The following ZMYM2 variants were observed in gnomAD, a reference collection of about 807,000 sequenced individuals.
The protein encoded by ZMYM2 is zinc finger MYM-type protein 2.
In ZMYM2, 56 loss-of-function variants were observed where a neutral mutation model predicts 162.8. The observed-to-expected ratio is 0.34, with a 90% CI of 0.28 to 0.43. The LOEUF is 0.43. Among genes scored for constraint, ZMYM2 ranks in the 20% least tolerant of loss-of-function variants. The probability of loss-of-function intolerance (pLI) is 1.00; values close to 1 mark genes in which losing one functional copy is unlikely to be tolerated. For synonymous variants in ZMYM2, 510 were observed against 541.6 expected (o/e 0.94, Z 0.81); for missense variants, 1,275 against 1,621.8 (o/e 0.79, Z 3.67).
chr13:19,897,178 A>C, the ZMYM2 span, among the ~76,000 whole-genome samples: 5 of 152,188 alleles, frequency 3.3e-5, no homozygotes, highest in Non-Finnish European at 7.3e-5. Context: ...AAATCAACTA[A>C]ACACAGAAGT....
the ZMYM2 span, among the ~76,000 whole-genome samples, chr13:19,885,934 CACATATATATGTATAT>C: frequency 2.4e-5 from 2 of 82,318 alleles, 1 homozygote; most frequent in Non-Finnish European, 4.6e-5. Context: ...TATGTGTATA[CACATATATATGTATAT>C]ACACATATAT....
chr13:19,960,439 T>C (rs1454115556), intron 2 of ZMYM2, among the ~76,000 whole-genome samples: 9 of 152,232 alleles, frequency 5.9e-5, no homozygotes, highest in African/African-American at 2.2e-4. Flanking sequence ...ATTGAAGGAA[T>C]TGGAAACATA....
chr13:19,954,147 T>TTTTTTTTTTTTTTTTTTTG (rs1954472661), upstream of ZMYM2, among the ~76,000 whole-genome samples: 3 of 137,760 alleles, frequency 2.2e-5, no homozygotes, highest in South Asian at 2.4e-4. Context: ...TTTTTTTTTT[T>TTTTTTTTTTTTTTTTTTTG]AGACGGAGTC....
chr13:19,923,411 C>T, the ZMYM2 span, among the ~76,000 whole-genome samples: 2 of 144,902 alleles, frequency 1.4e-5, no homozygotes, highest in Non-Finnish European at 3.0e-5. Context: ...GGTCTCAGTG[C>T]TTTCCAGTGA....
intron 2 of ZMYM2, among the ~76,000 whole-genome samples, chr13:19,989,776 C>T (rs1949459834): frequency 1.3e-5 from 2 of 152,180 alleles, no homozygotes; most frequent in South Asian, 2.1e-4. Flanking sequence ...GCCCATTAAC[C>T]CCCACCTCGC....
At chr13:20,034,465 A>G (rs1953494447) in intron 11 of ZMYM2, 61 bp downstream of exon 11, 1 of 1,378,404 alleles carries the variant, frequency 7.3e-7, no homozygotes, top group Admixed American at 2.8e-5. Context: ...TTTTGCCAAA[A>G]TAATATATCC....
intron 12 of ZMYM2, among the ~76,000 whole-genome samples, 179 bp downstream of exon 12, chr13:20,037,088 T>A (rs577611007): frequency 1.3e-5 from 2 of 152,300 alleles, no homozygotes; most frequent in Admixed American, 1.3e-4. Context: ...GTAGCATTTT[T>A]ATCTCTTTTT....
At chr13:19,949,363 G>A in the ZMYM2 span, among the ~76,000 whole-genome samples, 2 of 152,112 alleles carry the variant, frequency 1.3e-5, no homozygotes, top group Non-Finnish European at 2.9e-5. Context: ...GCTGTGAGCC[G>A]AGATCACGCC....
intron 2 of ZMYM2, among the ~76,000 whole-genome samples, chr13:19,972,624 A>G (rs1026533317): frequency 1.3e-5 from 2 of 152,120 alleles, no homozygotes; most frequent in African/African-American, 2.4e-5. Context: ...GCTATTGTAG[A>G]TAATGCTGCA....
At chr13:19,896,760 C>CAAAA in the ZMYM2 span, among the ~76,000 whole-genome samples, 1 of 87,232 alleles carries the variant, frequency 1.1e-5, no homozygotes, top group African/African-American at 4.5e-5. Context: ...GACTCCATCT[C>CAAAA]AAAAAAAAAA....
At chr13:19,873,397 T>TTATTTAA in the ZMYM2 span, among the ~76,000 whole-genome samples, 37 of 125,094 alleles carry the variant, frequency 3.0e-4, no homozygotes, top group African/African-American at 1.0e-3. Context: ...TATTTATTTA[T>TTATTTAA]TTATTTATTT....
intron 6 of ZMYM2, among the ~76,000 whole-genome samples, chr13:20,008,549 ATC>A (rs1566282970): frequency 6.6e-6 from 1 of 152,248 alleles, no homozygotes; most frequent in Non-Finnish European, 1.5e-5. Context: ...CTCAGAATGT[ATC>A]TCTCAAGGAT....
In ZMYM2 at chr13:19,993,911, A is replaced by G; in HGVS notation, c.839A>G (p.His280Arg). Residue 280 changes from histidine to arginine, a missense_variant, in exon 3 of 25, where the codon CAT becomes CGT. By Grantham distance (29) the His-to-Arg change is conservative. This residue lies in a region of ZMYM2 where 115 missense variants were observed against 175.3 expected (regional missense o/e 0.66). Transcript: ENST00000610343. ...VFQNGESATH[H>R]NPDSWISQSA... Reference sequence around the variant, plus strand: ...CAGAATGGAGAATCTGCAACTCATCATAATCCTGGTAAGCAGTAAGAGATA... The same window carrying G: ...CAGAATGGAGAATCTGCAACTCATCGTAATCCTGGTAAGCAGTAAGAGATA... 2 of 1,610,456 alleles carry G rather than the reference A, an allele frequency of 1.2e-6. No individual in the cohort carries two copies. The highest frequency in any genetic ancestry group is 1.7e-6 in the Non-Finnish European group (2 of 1,178,660).
At chr13:20,002,692 C>A (rs1314858005) in intron 3 of ZMYM2, among the ~76,000 whole-genome samples, 158 bp from the exon 4 acceptor site, 1 of 152,128 alleles carries the variant, frequency 6.6e-6, no homozygotes, top group Non-Finnish European at 1.5e-5. Context: ...GACATTCTTA[C>A]TCCAAAACTT....
chr13:20,004,399 G>T (rs998668684), intron 4 of ZMYM2, among the ~76,000 whole-genome samples: 6 of 152,142 alleles, frequency 3.9e-5, no homozygotes, highest in Non-Finnish European at 5.9e-5. Flanking sequence ...GGGACTACAG[G>T]TGCCTGCCAC....
chr13:20,071,914 G>A, intron 21 of ZMYM2: 1 of 191,758 alleles, frequency 5.2e-6, no homozygotes, highest in East Asian at 8.6e-5. Context: ...CCAATGGCCA[G>A]CACTTTCTAG....
the ZMYM2 span, among the ~76,000 whole-genome samples, chr13:19,919,645 G>T: frequency 6.6e-6 from 1 of 150,434 alleles, no homozygotes; most frequent in African/African-American, 2.4e-5. Context: ...TATTTTCTTT[G>T]GTGAAATGTC....
chr13:20,072,640 C>T (rs188469966), intron 21 of ZMYM2, among the ~76,000 whole-genome samples: 1 of 152,024 alleles, frequency 6.6e-6, no homozygotes, highest in African/African-American at 2.4e-5. Flanking sequence ...TAGAATTCAC[C>T]AGTGAAGCCA....
At chr13:19,928,526 G>T in the ZMYM2 span, among the ~76,000 whole-genome samples, 1 of 152,122 alleles carries the variant, frequency 6.6e-6, no homozygotes, top group Non-Finnish European at 1.5e-5. Context: ...GCTGGGTGCG[G>T]GGGCTCATGC....
Sources: allele counts gnomAD v4.1 joint callset (sites outside exome capture counted in the v4.1 genomes callset), GRCh38; gene constraint gnomAD v4.1.1; regional missense constraint gnomAD v4.1.1; transcripts MANE v1.5; gene names NCBI Gene and HGNC (gene_info 2026-07-23, HGNC 2026-07-21).